Variants in TMEM177 observed in about 807,000 individuals in gnomAD.
TMEM177 encodes the protein transmembrane protein 177.
Under a neutral mutation model 14.2 loss-of-function variants are expected in TMEM177, and 4 were observed. That is an observed-to-expected ratio of 0.28 (90% CI 0.14 to 0.64). TMEM177 has a LOEUF of 0.64. Ranked by LOEUF, TMEM177 falls within the 30% of genes least tolerant of loss-of-function variation. The pLI is 0.82. For synonymous variants in TMEM177, 179 were observed against 174.5 expected (o/e 1.03, Z -0.20); for missense variants, 344 against 405.2 (o/e 0.85, Z 1.30).
chr2:119,691,346 TG>T (rs748133711), downstream of TMEM177, among the ~76,000 whole-genome samples: 447 of 152,288 alleles, frequency 2.9e-3, 1 homozygote, highest in Middle Eastern at 6.8e-3. Context: ...GGACAGTGCC[TG>T]GCACAGAGTT....
the TMEM177 span, among the ~76,000 whole-genome samples, chr2:119,703,315 G>T: frequency 6.6e-6 from 1 of 152,210 alleles, no homozygotes; most frequent in African/African-American, 2.4e-5. Flanking sequence ...AGCTGGGAGC[G>T]AGGCTGGGCC....
At chr2:119,692,110 C>T in the TMEM177 span, among the ~76,000 whole-genome samples, 1 of 152,238 alleles carries the variant, frequency 6.6e-6, no homozygotes, top group African/African-American at 2.4e-5. Context: ...ACTTCCTCTA[C>T]CTCCTAACAA....
downstream of TMEM177, among the ~76,000 whole-genome samples, chr2:119,685,217 C>A (rs1489720502): frequency 7.7e-6 from 1 of 129,200 alleles, no homozygotes; most frequent in Non-Finnish European, 1.6e-5. Context: ...AGCCCGCCCC[C>A]CCCCCCCTTT....
downstream of TMEM177, among the ~76,000 whole-genome samples, chr2:119,688,555 G>T (rs1247344600): frequency 6.6e-6 from 1 of 152,148 alleles, no homozygotes; most frequent in Non-Finnish European, 1.5e-5. Flanking sequence ...TAACGCAATG[G>T]TGAGGATTTG....
At chr2:119,706,317 C>G in the TMEM177 span, among the ~76,000 whole-genome samples, 1 of 151,976 alleles carries the variant, frequency 6.6e-6, no homozygotes, top group Non-Finnish European at 1.5e-5. Context: ...TGAGCCACAG[C>G]GCCTGGCCGA....
chr2:119,688,206 T>C (rs1436034477), downstream of TMEM177, among the ~76,000 whole-genome samples: 7 of 152,292 alleles, frequency 4.6e-5, no homozygotes, highest in Middle Eastern at 3.4e-3. Context: ...TGAGGTACAA[T>C]CTGCATGGTG....
chr2:119,723,158 A>G, the TMEM177 span, among the ~76,000 whole-genome samples: 2 of 152,178 alleles, frequency 1.3e-5, no homozygotes, highest in Admixed American at 1.3e-4. Context: ...AGACGAGTAG[A>G]CAAACCAAAT....
In TMEM177 at chr2:119,680,978, T is replaced by G. The variant is rs1409627248; in HGVS notation, c.125T>G (p.Val42Gly). The G allele has an allele frequency of 6.2e-7, 1 of 1,614,200 alleles. No homozygotes were observed. The highest frequency in any genetic ancestry group is 2.2e-5 in the East Asian group (1 of 44,876). Residue 42 changes from valine (V) to glycine (G), a missense_variant, in exon 2 of 2, where the codon GTC becomes GGC. Coordinates refer to ENST00000272521, the MANE Select transcript of TMEM177 (RefSeq NM_030577.3). ...TACCACCTCTTCCCGGATCCCGTGG[T>G]CCAATGGCTCTACCAGTACTGGCCT... ...ISYHLFPDPVVQWLYQYWPQG... is the reference protein window; with the variant it reads ...ISYHLFPDPVGQWLYQYWPQG...
the TMEM177 span, among the ~76,000 whole-genome samples, chr2:119,714,133 C>A: frequency 6.6e-6 from 1 of 152,138 alleles, no homozygotes; most frequent in Non-Finnish European, 1.5e-5. Flanking sequence ...GTCACTGGGA[C>A]AGATCAGTGG....
Position 119,681,442 on chromosome 2 carries a change from C to T in TMEM177, c.589C>T (p.Pro197Ser). 1 of 1,613,738 alleles carries T rather than the reference C, an allele frequency of 6.2e-7. No homozygotes were observed. ...AKYTLGLHAG[P>S]MNLRAAFSLV... ...GTACACCCTGGGGCTCCATGCAGGC[C>T]CCATGAATTTACGGGCTGCCTTCAG... The change falls in exon 2 of 2, where the codon CCC becomes TCC. Residue 197 changes from proline (P) to serine (S), a missense_variant. Coordinates refer to ENST00000272521, the MANE Select transcript of TMEM177 (RefSeq NM_030577.3).
At chr2:119,716,112 C>G in the TMEM177 span, among the ~76,000 whole-genome samples, 1 of 152,144 alleles carries the variant, frequency 6.6e-6, no homozygotes, top group South Asian at 2.1e-4. Context: ...AAGTGATATC[C>G]GAGAGTGATC....
At chr2:119,694,593 C>G in the TMEM177 span, among the ~76,000 whole-genome samples, 1 of 152,228 alleles carries the variant, frequency 6.6e-6, no homozygotes. Context: ...CCATCCTCCT[C>G]CTGGCCCCTT....
downstream of TMEM177, among the ~76,000 whole-genome samples, chr2:119,689,237 G>A (rs1379692497): frequency 6.6e-6 from 1 of 152,210 alleles, no homozygotes; most frequent in African/African-American, 2.4e-5. Context: ...CACTCAGTCA[G>A]GTGCAGTGTG....
rs1424036473 is a variant in TMEM177 at position 119,681,104 on chromosome 2, C to T, written c.251C>T (p.Thr84Ile). Residue 84 changes from threonine to isoleucine, a missense_variant, in exon 2 of 2, where the codon ACC becomes ATC. Physicochemically the swap from Thr to Ile is moderately conservative, Grantham distance 89. Coordinates refer to ENST00000272521, the MANE Select transcript of TMEM177 (RefSeq NM_030577.3). ...VPSGHCYKPF[T>I]TFTFQPVSAG... ...TCAGGCCATTGCTACAAGCCCTTCA[C>T]CACCTTCACCTTCCAACCTGTGAGT... 1 of 1,614,248 alleles carries T rather than the reference C, an allele frequency of 6.2e-7. No homozygotes were observed. The highest frequency in any genetic ancestry group is 8.5e-7 in the Non-Finnish European group (1 of 1,180,044).
At chr2:119,705,468 C>G in the TMEM177 span, among the ~76,000 whole-genome samples, 1 of 152,088 alleles carries the variant, frequency 6.6e-6, no homozygotes, top group Admixed American at 6.6e-5. Flanking sequence ...GACTGAAGTC[C>G]CTATTTTCTT....
the TMEM177 span, among the ~76,000 whole-genome samples, chr2:119,697,099 A>G: frequency 6.6e-6 from 1 of 152,212 alleles, no homozygotes; most frequent in Non-Finnish European, 1.5e-5. Context: ...GGCTTCCTCA[A>G]GAGATCCAAA....
rs1266063921 is a variant in TMEM177, at chr2:119,681,530, C to T, written c.677C>T (p.Ala226Val). 2.5e-6 allele frequency: 4 copies of T among 1,614,122 alleles called. No homozygotes were observed. Among genetic ancestry groups the T allele is most frequent in the Admixed American group, 1.7e-5 (1 of 60,030 alleles). Residue 226 changes from alanine to valine, a missense_variant, in exon 2 of 2, where the codon GCC becomes GTC. Ala to Val is a moderately conservative substitution (Grantham distance 64). Coordinates refer to ENST00000272521, the MANE Select transcript of TMEM177 (RefSeq NM_030577.3). Reference sequence around the variant, plus strand: ...TTCTCCCAGGATTCTCTCACTCATGCCGTGGAGTCCTGGCTGGACCGCCGC... The same window carrying T: ...TTCTCCCAGGATTCTCTCACTCATGTCGTGGAGTCCTGGCTGGACCGCCGC... ...YAFSQDSLTH[A>V]VESWLDRRTA...
the TMEM177 span, among the ~76,000 whole-genome samples, chr2:119,700,721 C>T: frequency 6.6e-6 from 1 of 152,170 alleles, no homozygotes; most frequent in African/African-American, 2.4e-5. Context: ...AAAATGGAAA[C>T]ACCATTTTGT....
downstream of TMEM177, among the ~76,000 whole-genome samples, chr2:119,684,884 A>G (rs1310787604): frequency 6.6e-6 from 1 of 152,154 alleles, no homozygotes; most frequent in Non-Finnish European, 1.5e-5. Flanking sequence ...CCCTACACAC[A>G]GGTCAGAGGT....
Sources: allele counts gnomAD v4.1 joint callset (sites outside exome capture counted in the v4.1 genomes callset), GRCh38; gene constraint gnomAD v4.1.1; transcripts MANE v1.5; gene names NCBI Gene and HGNC (gene_info 2026-07-23, HGNC 2026-07-21).